CEP350: variants seen among roughly 807,000 people sequenced by gnomAD.
CEP350 encodes centrosomal protein 350, also known as centrosome-associated protein 350.
CEP350 carries 126 observed loss-of-function variants against 331.8 expected under a neutral mutation model. The ratio of observed to expected loss-of-function variants is 0.38; its 90% CI spans 0.33 to 0.44. The LOEUF is 0.44. CEP350 is among the 20% of genes least tolerant of loss of function. The pLI, the probability that CEP350 is intolerant of heterozygous loss-of-function variation, is 1.00. For missense variants in CEP350, 3,406 were observed against 3,634.6 expected (o/e 0.94, Z 1.62); for synonymous variants, 1,200 against 1,259.5 (o/e 0.95, Z 1.00).
intron 7 of CEP350, among the ~76,000 whole-genome samples, chr1:180,004,877 T>TGGCTG (rs1558092840): frequency 2.0e-3 from 145 of 72,888 alleles, no homozygotes; most frequent in African/African-American, 4.9e-3. Context: ...CTGGCTGGCT[T>TGGCTG]GCTTGCTTGC....
At chr1:180,039,782 G>T (rs1207722527) in intron 17 of CEP350, among the ~76,000 whole-genome samples, 1 of 149,868 alleles carries the variant, frequency 6.7e-6, no homozygotes, top group African/African-American at 2.5e-5. Flanking sequence ...GAATCAGTTT[G>T]TTAGTTTCAA....
chr1:179,992,041 A>C, intron 4 of CEP350, 21 bp from the exon 5 acceptor site: 2 of 1,508,830 alleles, frequency 1.3e-6, no homozygotes, highest in Non-Finnish European at 1.8e-6. Flanking sequence ...ATATGTTCTC[A>C]CAGATTTCCT....
chr1:180,047,844 A>G (rs186386226), intron 21 of CEP350, among the ~76,000 whole-genome samples: 57 of 152,108 alleles, frequency 3.7e-4, no homozygotes, highest in African/African-American at 1.4e-3. Flanking sequence ...AAAGCAAATG[A>G]AAGAAACAAG....
chr1:180,094,329 A>T lies in CEP350; in HGVS notation c.8224A>T (p.Lys2742Ter). The T allele has an allele frequency of 6.2e-7, 1 of 1,613,982 alleles. No individual in the cohort carries two copies. The highest frequency in any genetic ancestry group is 8.5e-7 in the Non-Finnish European group (1 of 1,179,874). ...AQLKSSLNEE[K>*]KSKQQLEKIS... is the part of the protein sequence containing the mutation. ...GCTGAAGTCATCACTAAATGAGGAA[A>T]AAAAGTCAAAACAACAACTGGAAAA... Residue 2742 changes from lysine (K) to a stop codon, truncating the protein, a stop_gained, in exon 34 of 38, where the codon AAA becomes TAA. Transcript: ENST00000367607. LOFTEE classifies it high-confidence loss of function.
chr1:180,048,440 A>C (rs1180023828), intron 21 of CEP350, 96 bp from the exon 22 acceptor site: 1 of 738,918 alleles, frequency 1.4e-6, no homozygotes, highest in African/African-American at 1.8e-5. Context: ...TATCTTGACT[A>C]TAAAGTACAG....
At position 180,092,833 on chromosome 1, in the gene CEP350, A is replaced by G; in HGVS notation, c.6728A>G (p.Asp2243Gly). 2.5e-6 allele frequency: 4 copies of G among 1,569,384 alleles called. No individual in the cohort carries two copies. Among genetic ancestry groups the G allele is most frequent in the South Asian group, 1.2e-5 (1 of 85,798 alleles). ...TTAAATGCCACTAGTAGAATTCTTG[A>G]TATGTCAGATGGCAAGGTTGGAGAA... ...KELNATSRIL[D>G]MSDGKVGESS... The change falls in exon 34 of 38, where the codon GAT becomes GGT. Residue 2243 changes from aspartate to glycine, a missense_variant. By Grantham distance (94) the Asp-to-Gly change is moderately conservative. Transcript: ENST00000367607.
intron 21 of CEP350, among the ~76,000 whole-genome samples, chr1:180,045,335 C>G (rs1247480394): frequency 6.6e-6 from 1 of 151,944 alleles, no homozygotes; most frequent in Non-Finnish European, 1.5e-5. Flanking sequence ...GAGTGAGACT[C>G]CATCTCAAAA....
intron 16 of CEP350, among the ~76,000 whole-genome samples, chr1:180,034,647 C>T (rs1656235306): frequency 1.3e-5 from 2 of 151,982 alleles, no homozygotes; most frequent in South Asian, 4.2e-4. Context: ...CTGTGATTAG[C>T]GATCTTTGAT....
chr1:180,047,601 A>C (rs1211775514), intron 21 of CEP350, among the ~76,000 whole-genome samples: 1 of 151,608 alleles, frequency 6.6e-6, no homozygotes, highest in African/African-American at 2.4e-5. Context: ...TACTAAAAAT[A>C]CAAAAAAAAA....
At position 179,955,078 on chromosome 1, in the gene CEP350, C is replaced by G. The variant is rs1483805586; in HGVS notation, c.-78C>G. 1.4e-5 allele frequency: 21 copies of G among 1,454,238 alleles called. 1 individual carries two copies. The South Asian group carries it at 1.9e-4, about 13-fold the overall frequency. The allele number at this position is 1,454,238 out of a possible 1,614,324, so 90.1% of individuals were successfully genotyped here. The stretch of plus-strand genomic sequence containing the variant: ...CCTGGGGCCGGTCGGGGCGGCGTCA[C>G]TGCACCCTCCGCCAGGCTCCGCGGG... On this transcript the variant is annotated 5_prime_UTR_variant, in exon 1 of 38. Transcript: ENST00000367607.
chr1:179,990,941 G>A (rs935768476), intron 4 of CEP350, among the ~76,000 whole-genome samples: 1 of 152,146 alleles, frequency 6.6e-6, no homozygotes, highest in Non-Finnish European at 1.5e-5. Context: ...TTTTGTCAGA[G>A]ACACTGGCAT....
In CEP350 at chr1:180,090,580, T is replaced by C. The variant is rs554710061; in HGVS notation, c.6426-134T>C. The C allele has an allele frequency of 4.0e-5, 9 of 223,800 alleles. No homozygotes were observed. The East Asian group carries it at 1.1e-3, about 29-fold the overall frequency. 13.9% of individuals were successfully genotyped at this position (223,800 alleles called of 1,614,324 possible). On this transcript the variant is annotated intron_variant, in intron 32 of 37. Coordinates refer to ENST00000367607, the MANE Select transcript of CEP350 (RefSeq NM_014810.5). ...AAAAAAAAAAAAAAAAGAAATAGGC[T>C]TGATGAAAGTGACATAGATTGACAT...
chr1:180,027,559 A>G (rs1036388496), intron 14 of CEP350, among the ~76,000 whole-genome samples: 2 of 151,484 alleles, frequency 1.3e-5, no homozygotes, highest in East Asian at 1.9e-4. Context: ...TAATTTTTCT[A>G]TTTTTTTGTA....
chr1:180,106,553 TATA>T (rs1661156893), intron 37 of CEP350, among the ~76,000 whole-genome samples: 1 of 152,084 alleles, frequency 6.6e-6, no homozygotes, highest in Non-Finnish European at 1.5e-5. Context: ...GAGTTAGCCT[TATA>T]ATGTTTCATG....
chr1:180,083,910 T>C (rs991811851), intron 30 of CEP350, 108 bp from the exon 31 acceptor site: 2 of 514,924 alleles, frequency 3.9e-6, no homozygotes, highest in African/African-American at 3.9e-5. Context: ...ATTATTAGAT[T>C]GGCTTTATTT....
intron 1 of CEP350, among the ~76,000 whole-genome samples, chr1:179,970,726 C>G (rs1651385691): frequency 6.6e-6 from 1 of 152,158 alleles, no homozygotes; most frequent in Non-Finnish European, 1.5e-5. Flanking sequence ...TGGATGAAAA[C>G]ACTGTCAATA....
rs973814672 is a variant in CEP350, at chr1:180,034,357, T to C, written c.3946+275T>C. Among the ~76,000 whole-genome samples the C allele has an allele frequency of 2.5e-4, 38 of 152,210 alleles. 1 individual carries two copies. The highest frequency in any genetic ancestry group is 8.9e-4 in the African/African-American group (37 of 41,448). On this transcript the variant is annotated intron_variant, in intron 16 of 37. Transcript: ENST00000367607. Reference sequence around the variant, plus strand: ...GCACTCCTGTTTATATGTATATGCATGTATACACACATGTACGCATGCACA... The same window carrying C: ...GCACTCCTGTTTATATGTATATGCACGTATACACACATGTACGCATGCACA...
At position 180,006,514 on chromosome 1, in the gene CEP350, CA is replaced by C; in HGVS notation, c.1194del (p.Val399TyrfsTer7). 1 of 1,556,054 alleles carries C rather than the reference CA, an allele frequency of 6.4e-7. No individual in the cohort carries two copies. Among genetic ancestry groups the C allele is most frequent in the Non-Finnish European group, 8.7e-7 (1 of 1,148,790 alleles). ...EKSKEKKVVK[P>X]VRKVQKVAQL... ...AGTAAAGAGAAGAAAGTAGTCAAGC[CA>C]GTACGAAAAGTCCAAAAAGTAGCAC... On this transcript the variant is annotated frameshift_variant, in exon 8 of 38. Coordinates refer to ENST00000367607, the MANE Select transcript of CEP350 (RefSeq NM_014810.5). LOFTEE classifies it high-confidence loss of function.
chr1:179,984,272 A>G (rs1652491386), intron 1 of CEP350, among the ~76,000 whole-genome samples: 1 of 152,206 alleles, frequency 6.6e-6, no homozygotes, highest in Non-Finnish European at 1.5e-5. Context: ...AACACCAAGC[A>G]TTTGTGATCT....
Sources: gnomAD v4.1 joint callset for allele counts (sites outside exome capture counted in the v4.1 genomes callset) on GRCh38, gnomAD v4.1.1 for gene constraint, MANE v1.5 for transcripts, NCBI Gene and HGNC (gene_info 2026-07-23, HGNC 2026-07-21) for gene names.